The following KANK4 variants were observed in gnomAD, a reference collection of about 807,000 sequenced individuals.
The protein encoded by KANK4 is KN motif and ankyrin repeat domains 4.
A neutral mutation model predicts 80.8 loss-of-function variants in KANK4; 50 were observed. That is an observed-to-expected ratio of 0.62 (90% confidence interval 0.49 to 0.78). The LOEUF is 0.78. Among genes scored for constraint, KANK4 ranks in the 30% least tolerant of loss-of-function variants. The pLI is 0.00. For missense variants in KANK4, 1,196 were observed against 1,240.1 expected (o/e 0.96, Z 0.53); for synonymous variants, 465 against 506.9 (o/e 0.92, Z 1.11).
chr1:62,293,622 G>A (rs1372169271), intron 1 of KANK4, among the ~76,000 whole-genome samples: 1 of 152,172 alleles, frequency 6.6e-6, no homozygotes, highest in Non-Finnish European at 1.5e-5. Flanking sequence ...TAGTGTGTTA[G>A]AAGAGTTTAC....
At chr1:62,277,696 T>A (rs910161486) in intron 2 of KANK4, among the ~76,000 whole-genome samples, 2 of 152,116 alleles carry the variant, frequency 1.3e-5, no homozygotes, top group Non-Finnish European at 1.5e-5. Context: ...GGGAAGGAAA[T>A]GCCCAGTCAG....
At chr1:62,262,854 C>G (rs113023788) in intron 7 of KANK4, among the ~76,000 whole-genome samples, 1 of 152,122 alleles carries the variant, frequency 6.6e-6, no homozygotes, top group African/African-American at 2.4e-5. Context: ...ACAATTATAC[C>G]AGAGAGTCAG....
At chr1:62,279,266 C>T (rs1183027841) in intron 2 of KANK4, among the ~76,000 whole-genome samples, 2 of 151,654 alleles carry the variant, frequency 1.3e-5, no homozygotes, top group Non-Finnish European at 2.9e-5. Flanking sequence ...TGCTGCCTTG[C>T]CTGCCACCTG....
chr1:62,293,253 A>G (rs1476975065), intron 1 of KANK4, among the ~76,000 whole-genome samples: 2 of 90,238 alleles, frequency 2.2e-5, no homozygotes, highest in East Asian at 9.0e-4. Flanking sequence ...ACACCCCGCT[A>G]ATTTTTTTTT....
At chr1:62,308,063 T>G (rs964833437) in intron 1 of KANK4, among the ~76,000 whole-genome samples, 1 of 152,208 alleles carries the variant, frequency 6.6e-6, no homozygotes, top group African/African-American at 2.4e-5. Flanking sequence ...TTGTCTTTTC[T>G]ATCAGACTGG....
At chr1:62,244,798 G>A (rs572792347) in intron 9 of KANK4, among the ~76,000 whole-genome samples, 67 of 152,086 alleles carry the variant, frequency 4.4e-4, no homozygotes, top group Admixed American at 6.6e-4. Context: ...TCAAGCAATC[G>A]TCCTGACTTG....
At position 62,274,788 on chromosome 1, in the gene KANK4, GC is replaced by G; in HGVS notation, c.315del (p.Glu105AspfsTer21). ...TTACCAAGCGGTGGTGACTGGTTTT[GC>G]TCCTGTGTCCCAAGTGATGCCTCCC... Reference protein sequence around the residue: ...VPREASLGTQEQNQSPPLGNA... With the variant: ...VPREASLGTQXQNQSPPLGNA... On this transcript the variant is annotated frameshift_variant, in exon 3 of 10. Coordinates refer to ENST00000371153, the MANE Select transcript of KANK4 (RefSeq NM_181712.5). LOFTEE classifies it high-confidence loss of function. The G allele has an allele frequency of 6.2e-7, 1 of 1,614,082 alleles. No individual in the cohort carries two copies. The highest frequency in any genetic ancestry group is 1.1e-5 in the South Asian group (1 of 91,074).
chr1:62,268,476 C>T lies in KANK4; in HGVS notation c.2042G>A (p.Ser681Asn). 6.2e-7 allele frequency: 1 copy of T among 1,613,828 alleles called. No individual in the cohort carries two copies. Among genetic ancestry groups the T allele is most frequent in the South Asian group, 1.1e-5 (1 of 91,060 alleles). Reference sequence around the variant, plus strand: ...GTCCTCTGGGGTGCTGTCCTCACCGCTGGTCTCCTCACTTGAGGTGGTCTC... The same window carrying T: ...GTCCTCTGGGGTGCTGTCCTCACCGTTGGTCTCCTCACTTGAGGTGGTCTC... ...GYETTSSEET[S>N]GEDSTPEDLS... is the part of the protein sequence containing the mutation. Residue 681 changes from serine to asparagine, a missense_variant, in exon 5 of 10, where the codon AGC (serine) becomes AAC (asparagine). By Grantham distance (46) the Ser-to-Asn change is conservative. Around this residue, in one of 3 missense-constraint regions of KANK4, gnomAD observed 1,154 missense variants for 1,179.6 expected, o/e 0.98. Transcript: ENST00000371153.
chr1:62,246,268 C>T (rs901113690), intron 9 of KANK4, among the ~76,000 whole-genome samples: 4 of 152,168 alleles, frequency 2.6e-5, no homozygotes, highest in African/African-American at 7.2e-5. Flanking sequence ...CTGTGACTGA[C>T]AGTGCAACTT....
rs748943447 is a variant in KANK4 at position 62,280,363 on chromosome 1, G to A, written c.16+1186C>T. The stretch of plus-strand genomic sequence containing the variant: ...TGTGCTGAGAAGGGACTGAGAGGCA[G>A]CTGGGCTAACAGGCCCCCGGAGCTT... On this transcript the variant is annotated intron_variant, in intron 2 of 9. Coordinates refer to ENST00000371153, the MANE Select transcript of KANK4 (RefSeq NM_181712.5). Among the ~76,000 whole-genome samples, 81 of 152,226 alleles carry A rather than the reference G, an allele frequency of 5.3e-4. 1 individual carries two copies. The highest frequency in any genetic ancestry group is 1.0e-3 in the Non-Finnish European group (70 of 68,036).
intron 9 of KANK4, among the ~76,000 whole-genome samples, chr1:62,245,270 C>T (rs1671438853): frequency 6.6e-6 from 1 of 152,204 alleles, no homozygotes; most frequent in Admixed American, 6.5e-5. Flanking sequence ...TCCAGTAGCC[C>T]ACCCCTGTTC....
At chr1:62,312,993 A>G (rs1361856308) in intron 1 of KANK4, among the ~76,000 whole-genome samples, 1 of 152,162 alleles carries the variant, frequency 6.6e-6, no homozygotes, top group Non-Finnish European at 1.5e-5. Flanking sequence ...AACCCCTGTT[A>G]TCTGCAGTTT....
chr1:62,239,671 C>T (rs1046840517), intron 9 of KANK4, among the ~76,000 whole-genome samples: 1 of 152,114 alleles, frequency 6.6e-6, no homozygotes, highest in Admixed American at 6.6e-5. Flanking sequence ...TCACTCCCCC[C>T]ACCCCACGAC....
At chr1:62,288,881 G>A (rs1304366133) in intron 1 of KANK4, among the ~76,000 whole-genome samples, 13 of 152,134 alleles carry the variant, frequency 8.5e-5, no homozygotes. Flanking sequence ...GGTATGAGCA[G>A]GCAATTCATC....
rs532606086 is a variant in KANK4, at chr1:62,274,903, G to T, written c.201C>A (p.Ser67Arg). ...GAAGGCTGAAGTTTCGGGGCAGAGT[G>T]CTAAATTTGGCCTGCTTGGCCCTTC... ...IHRRAKQAKFSTLPRNFSLPD... is the reference protein window; with the variant it reads ...IHRRAKQAKFRTLPRNFSLPD... Residue 67 changes from serine to arginine, a missense_variant, in exon 3 of 10, where the codon AGC becomes AGA. Physicochemically the swap from Ser to Arg is moderately radical, Grantham distance 110. This residue lies in a region of KANK4 where 1,154 missense variants were observed against 1,179.6 expected (regional missense o/e 0.98). Transcript: ENST00000371153. 31 of 1,614,182 alleles carry T rather than the reference G, an allele frequency of 1.9e-5. No individual in the cohort carries two copies. In the African/African-American group the frequency reaches 4.1e-4, roughly 22 times the overall value.
At chr1:62,251,425 A>G (rs1570968017) in intron 8 of KANK4, among the ~76,000 whole-genome samples, 1 of 152,280 alleles carries the variant, frequency 6.6e-6, no homozygotes, top group East Asian at 1.9e-4. Context: ...CTTATCATCT[A>G]TGATCACTCC....
At chr1:62,280,222 G>C (rs572628822) in intron 2 of KANK4, among the ~76,000 whole-genome samples, 1 of 152,332 alleles carries the variant, frequency 6.6e-6, no homozygotes, top group East Asian at 1.9e-4. Context: ...CCAAGACAGG[G>C]AGGGAAGCCT....
At chr1:62,278,397 CTTTTTTTTTTTTGAGATGGAA>C (rs1672372803) in intron 2 of KANK4, among the ~76,000 whole-genome samples, 2 of 29,236 alleles carry the variant, frequency 6.8e-5, no homozygotes, top group South Asian at 1.2e-3. Context: ...TTCTTTCTTT[CTTTTTTTTTTTTGAGATGGAA>C]TTTCGTTCTT....
intron 2 of KANK4, among the ~76,000 whole-genome samples, chr1:62,275,984 T>C (rs1672304806): frequency 6.6e-6 from 1 of 150,646 alleles, no homozygotes; most frequent in Non-Finnish European, 1.5e-5. Flanking sequence ...ACACACTAGA[T>C]AAAAGGTGGT....
Sources: gnomAD v4.1 joint callset for allele counts (sites outside exome capture counted in the v4.1 genomes callset) on GRCh38, gnomAD v4.1.1 for gene constraint, gnomAD v4.1.1 regional missense constraint, MANE v1.5 for transcripts, NCBI Gene and HGNC (gene_info 2026-07-23, HGNC 2026-07-21) for gene names.